The following PTCSC3 variants were observed in gnomAD, a reference collection of about 807,000 sequenced individuals.
PTCSC3 encodes papillary thyroid carcinoma susceptibility candidate 3 (non-protein coding).
At chr14:36,149,105 TTTC>T (rs1341917725) in intron 3 of PTCSC3, among the ~76,000 whole-genome samples, 1 of 152,102 alleles carries the variant, frequency 6.6e-6, no homozygotes, top group Admixed American at 6.5e-5. Context: ...ATTTTAGGTC[TTTC>T]TTCTTTTCTA....
intron 3 of PTCSC3, among the ~76,000 whole-genome samples, chr14:36,141,432 T>C (rs1368044425): frequency 1.3e-5 from 2 of 152,194 alleles, no homozygotes; most frequent in Non-Finnish European, 2.9e-5. Flanking sequence ...GTTTTCCTCA[T>C]ATATATTTTG....
intron 1 of PTCSC3, among the ~76,000 whole-genome samples, chr14:36,174,825 C>T (rs1199982579): frequency 6.6e-6 from 1 of 152,136 alleles, no homozygotes; most frequent in African/African-American, 2.4e-5. Context: ...CTAATATGTG[C>T]ACTTTGTGGT....
At chr14:36,163,143 C>T (rs1485355302) in intron 1 of PTCSC3, among the ~76,000 whole-genome samples, 1 of 151,724 alleles carries the variant, frequency 6.6e-6, no homozygotes, top group Admixed American at 6.6e-5. Flanking sequence ...AAGGCTGAGG[C>T]AGGAGGATTA....
intron 1 of PTCSC3, among the ~76,000 whole-genome samples, chr14:36,175,306 T>C (rs556474887): frequency 1.3e-5 from 2 of 152,306 alleles, no homozygotes; most frequent in South Asian, 4.1e-4. Flanking sequence ...AGCCTTACAG[T>C]GCTTGTTATC....
chr14:36,149,497 G>A (rs902266657), intron 3 of PTCSC3, among the ~76,000 whole-genome samples: 1 of 152,092 alleles, frequency 6.6e-6, no homozygotes, highest in Non-Finnish European at 1.5e-5. Flanking sequence ...AAATCCAGTT[G>A]ACTGACAGTG....
intron 1 of PTCSC3, among the ~76,000 whole-genome samples, chr14:36,168,595 C>G (rs1463753092): frequency 6.6e-6 from 1 of 151,574 alleles, no homozygotes; most frequent in Non-Finnish European, 1.5e-5. Flanking sequence ...AGAAAGGAAA[C>G]AGAGAAAGAA....
chr14:36,174,035 T>G (rs1207825039), intron 1 of PTCSC3, among the ~76,000 whole-genome samples: 1 of 152,160 alleles, frequency 6.6e-6, no homozygotes, highest in Non-Finnish European at 1.5e-5. Flanking sequence ...ATCTTGGTTT[T>G]CAGCAGTTTA....
intron 3 of PTCSC3, among the ~76,000 whole-genome samples, chr14:36,146,495 T>C (rs1305790640): frequency 6.6e-6 from 1 of 151,738 alleles, no homozygotes; most frequent in East Asian, 1.9e-4. Flanking sequence ...CCCTGCCTTT[T>C]TTTGTTTTCC....
intron 3 of PTCSC3, among the ~76,000 whole-genome samples, chr14:36,152,931 A>G (rs1181563956): frequency 6.6e-6 from 1 of 152,080 alleles, no homozygotes; most frequent in Non-Finnish European, 1.5e-5. Context: ...AAGAAAAAGA[A>G]AAAAGACAAC....
chr14:36,143,149 T>C (rs1881466842), intron 3 of PTCSC3, among the ~76,000 whole-genome samples: 1 of 149,836 alleles, frequency 6.7e-6, no homozygotes, highest in Non-Finnish European at 1.5e-5. Flanking sequence ...GCAGCATGAT[T>C]TATAGTCCTT....
chr14:36,135,915 G>A (rs939703430), downstream of PTCSC3, among the ~76,000 whole-genome samples: 5 of 148,414 alleles, frequency 3.4e-5, no homozygotes, highest in Non-Finnish European at 7.6e-5. Flanking sequence ...GTGTGTGTGT[G>A]TATATGTGTG....
At chr14:36,172,800 T>C (rs911848262) in intron 1 of PTCSC3, among the ~76,000 whole-genome samples, 2 of 152,162 alleles carry the variant, frequency 1.3e-5, no homozygotes, top group Non-Finnish European at 2.9e-5. Flanking sequence ...TTAGGATTTC[T>C]GTCAATTATT....
intron 1 of PTCSC3, among the ~76,000 whole-genome samples, chr14:36,163,482 G>A (rs527715309): frequency 1.3e-5 from 2 of 151,882 alleles, no homozygotes; most frequent in African/African-American, 2.4e-5. Flanking sequence ...AGAGAGGGAG[G>A]GAGGAAGAAA....
intron 2 of PTCSC3, among the ~76,000 whole-genome samples, chr14:36,156,950 A>G (rs1355619157): frequency 6.6e-6 from 1 of 152,104 alleles, no homozygotes; most frequent in African/African-American, 2.4e-5. Context: ...TGCTGGGTCA[A>G]ATGGTATTTC....
At chr14:36,175,971 T>C (rs150611168) in intron 1 of PTCSC3, among the ~76,000 whole-genome samples, 69 of 152,284 alleles carry the variant, frequency 4.5e-4, no homozygotes, top group Admixed American at 2.0e-3. Flanking sequence ...ATTAAATTCA[T>C]GTAGAAAGAA....
chr14:36,157,245 G>A (rs1286223131), intron 2 of PTCSC3, among the ~76,000 whole-genome samples: 1 of 152,066 alleles, frequency 6.6e-6, no homozygotes, highest in African/African-American at 2.4e-5. Flanking sequence ...CCCACTTTTT[G>A]ATAGGGTTGT....
At chr14:36,151,381 T>A (rs1202317268) in intron 3 of PTCSC3, among the ~76,000 whole-genome samples, 1 of 152,176 alleles carries the variant, frequency 6.6e-6, no homozygotes, top group East Asian at 1.9e-4. Context: ...TTCGTTCCCT[T>A]GGTATTCTCT....
chr14:36,140,154 T>C (rs1473515686), intron 3 of PTCSC3, among the ~76,000 whole-genome samples: 1 of 152,254 alleles, frequency 6.6e-6, no homozygotes, highest in Non-Finnish European at 1.5e-5. Context: ...TATCTTTTAA[T>C]GGCTTGGTAG....
intron 3 of PTCSC3, among the ~76,000 whole-genome samples, chr14:36,137,996 G>A (rs1881328383): frequency 6.6e-6 from 1 of 152,170 alleles, no homozygotes; most frequent in Non-Finnish European, 1.5e-5. Context: ...GTGAAGTAGA[G>A]AAGAGGCTTA....
Sources: gnomAD v4.1 joint callset for allele counts (sites outside exome capture counted in the v4.1 genomes callset) on GRCh38, gnomAD v4.1.1 for gene constraint, MANE v1.5 for transcripts, NCBI Gene and HGNC (gene_info 2026-07-23, HGNC 2026-07-21) for gene names.